The following OGDHL variants were observed in gnomAD, a reference collection of about 807,000 sequenced individuals.
The protein encoded by OGDHL is 2-oxoglutarate dehydrogenase-like, mitochondrial.
Under a neutral mutation model 109.6 loss-of-function variants are expected in OGDHL, and 79 were observed. That is an observed-to-expected ratio of 0.72 (90% CI 0.60 to 0.87). OGDHL has a LOEUF of 0.87. OGDHL is among the 40% of genes least tolerant of loss of function. The pLI is 0.00. For synonymous variants in OGDHL, 528 were observed against 537.2 expected (o/e 0.98, Z 0.24); for missense variants, 1,275 against 1,362.2 (o/e 0.94, Z 1.01).
chr10:49,758,357 G>A (rs1205469513), intron 2 of OGDHL, 32 bp downstream of exon 2: 3 of 1,580,604 alleles, frequency 1.9e-6, no homozygotes, highest in South Asian at 2.3e-5. Flanking sequence ...TCCCTCCCTT[G>A]CGGTGGCCCA....
At chr10:49,740,352 T>C (rs1841554743) in intron 16 of OGDHL, among the ~76,000 whole-genome samples, 2 of 151,986 alleles carry the variant, frequency 1.3e-5, no homozygotes, top group Non-Finnish European at 2.9e-5. Context: ...GGAGGCAAGA[T>C]GGGGCTCAAA....
chr10:49,756,936 C>T lies in OGDHL; in HGVS notation c.215G>A (p.Ser72Asn). 6.2e-7 allele frequency: 1 copy of T among 1,613,334 alleles called. No individual in the cohort carries two copies. The highest frequency in any genetic ancestry group is 8.5e-7 in the Non-Finnish European group (1 of 1,179,704). ...TTCCTCGCTGGCTTCCCTGAAGAAG[C>T]TGTCCCAGGACTAGGCAGGGCAGAA... ...NPQSVHKSWDSFFREASEEAF... is the reference protein window; with the variant it reads ...NPQSVHKSWDNFFREASEEAF... The change falls in exon 3 of 23, where the codon AGC becomes AAC. Residue 72 changes from serine to asparagine, a missense_variant. Physicochemically the swap from Ser to Asn is conservative, Grantham distance 46 (BLOSUM62 1). Coordinates refer to ENST00000374103, the MANE Select transcript of OGDHL (RefSeq NM_018245.3).
rs763805050 is a variant in OGDHL at position 49,751,889 on chromosome 10, A to G, written c.687T>C (p.Gly229=). 9.9e-6 allele frequency: 16 copies of G among 1,614,016 alleles called. No individual in the cohort carries two copies. The highest frequency in any genetic ancestry group is 3.3e-5 in the Admixed American group (2 of 60,002). Residue 229 remains glycine, a synonymous_variant, in exon 6 of 23, where the codon GGT becomes GGC. Transcript: ENST00000374103. ...TCTCCTCGCTGGAGAACTGCATCAC[A>G]CCAGGGGTCTCAAACTTCTGCCGGA... The part of the protein sequence containing the change: ...QWIRQKFETP[G]VMQFSSEEKR...
Position 49,735,229 on chromosome 10 carries a change from T to A in OGDHL, c.3032A>T (p.Ter1011LeuextTer7). 23 of 1,613,306 alleles carry A rather than the reference T, an allele frequency of 1.4e-5. No homozygotes were observed. Among genetic ancestry groups the A allele is most frequent in the Non-Finnish European group, 1.9e-5 (22 of 1,179,542 alleles). Residue 1011 changes from the stop codon to leucine, a stop_lost, in exon 23 of 23, where the codon TAG (stop) becomes TTG (leucine). Transcript: ENST00000374103. ...GACCTACACAGGTTTTGCCCAGCTC[T>A]AAAATGTCTTGCCCTCAAAGGCCTG... The part of the protein sequence containing the change: ...NLQAFEGKTF[*>L]
chr10:49,744,154 G>A (rs1208629210), intron 13 of OGDHL, 32 bp from the exon 14 acceptor site: 1 of 1,609,736 alleles, frequency 6.2e-7, no homozygotes, highest in Non-Finnish European at 8.5e-7. Flanking sequence ...TCCACACTGT[G>A]TCAGTGGTGG....
intron 1 of OGDHL, chr10:49,758,815 G>T: frequency 1.7e-6 from 1 of 594,922 alleles, no homozygotes; most frequent in Non-Finnish European, 3.0e-6. Context: ...ATATCAAACA[G>T]CCCTGAGCCC....
At position 49,736,473 on chromosome 10, in the gene OGDHL, C is replaced by A. The variant is rs577930836; in HGVS notation, c.2638G>T (p.Ala880Ser). 1 of 1,613,854 alleles carries A rather than the reference C, an allele frequency of 6.2e-7. No homozygotes were observed. Among genetic ancestry groups the A allele is most frequent in the African/African-American group, 1.3e-5 (1 of 75,046 alleles). Residue 880 changes from alanine (A) to serine (S), a missense_variant, in exon 21 of 23, where the codon GCC becomes TCC. Physicochemically the swap from Ala to Ser is moderately conservative, Grantham distance 99. Coordinates refer to ENST00000374103, the MANE Select transcript of OGDHL (RefSeq NM_018245.3). Reference sequence around the variant, plus strand: ...ATGAGCCGCTGCACCTGCTCAGGGGCCCGTGCTGCGGCCCCATCTTCAGGA... The same window carrying A: ...ATGAGCCGCTGCACCTGCTCAGGGGACCGTGCTGCGGCCCCATCTTCAGGA... ...VIPEDGAAAR[A>S]PEQVQRLIFC... is the part of the protein sequence containing the mutation.
intron 2 of OGDHL, 59 bp downstream of exon 2, chr10:49,758,330 C>T (rs1274821876): frequency 4.6e-6 from 7 of 1,530,728 alleles, no homozygotes; most frequent in Non-Finnish European, 6.2e-6. Flanking sequence ...CCTGCCACAG[C>T]CCGGCCCCCG....
intron 6 of OGDHL, among the ~76,000 whole-genome samples, 187 bp downstream of exon 6, chr10:49,751,640 C>T (rs1842596403): frequency 6.6e-6 from 1 of 152,244 alleles, no homozygotes; most frequent in African/African-American, 2.4e-5. Context: ...CCTGCTCTGC[C>T]TTGGGCCAGC....
At position 49,736,242 on chromosome 10, in the gene OGDHL, C is replaced by G. The variant is rs1404915801; in HGVS notation, c.2755-65G>C. 1.7e-5 allele frequency: 26 copies of G among 1,571,662 alleles called. No homozygotes were observed. In the East Asian group the frequency reaches 5.2e-4, roughly 31 times the overall value. On this transcript the variant is annotated intron_variant, in intron 21 of 22. Coordinates refer to ENST00000374103, the MANE Select transcript of OGDHL (RefSeq NM_018245.3). Reference sequence around the variant, plus strand: ...GCGGTATGTCCCCAGCACCCCCGGACAGGAGGCACAGGGCCTCACCGGCCT... The same window carrying G: ...GCGGTATGTCCCCAGCACCCCCGGAGAGGAGGCACAGGGCCTCACCGGCCT...
chr10:49,742,817 A>G lies in OGDHL; in HGVS notation c.2012+11T>C. 1 of 1,610,304 alleles carries G rather than the reference A, an allele frequency of 6.2e-7. No homozygotes were observed. Among genetic ancestry groups the G allele is most frequent in the Non-Finnish European group, 8.5e-7 (1 of 1,179,014 alleles). ...GTCTCCTGTGCGGATGCTGAGCCCC[A>G]CTGCGCTCACCTGAATGTGCCCCTC... On this transcript the variant is annotated intron_variant, in intron 15 of 22. Coordinates refer to ENST00000374103, the MANE Select transcript of OGDHL (RefSeq NM_018245.3).
At position 49,750,786 on chromosome 10, in the gene OGDHL, T is replaced by C. The variant is rs972595991; in HGVS notation, c.896+53A>G. On this transcript the variant is annotated intron_variant, in intron 7 of 22. Transcript: ENST00000374103. ...ATTTCCATCTCATCTCTCCCACCTC[T>C]GTCCCCTGGGCTGGAGGAGAATGCG... 32 of 1,540,092 alleles carry C rather than the reference T, an allele frequency of 2.1e-5. No individual in the cohort carries two copies. In the Middle Eastern group the frequency reaches 6.1e-4, roughly 29 times the overall value.
intron 7 of OGDHL, 119 bp from the exon 8 acceptor site, chr10:49,749,935 AG>A: frequency 1.3e-6 from 1 of 784,616 alleles, no homozygotes; most frequent in Non-Finnish European, 2.1e-6. Context: ...AGCCCTCCTC[AG>A]GCCACCCAAT....
intron 10 of OGDHL, 111 bp from the exon 11 acceptor site, chr10:49,746,088 A>G: frequency 8.0e-7 from 1 of 1,245,644 alleles, no homozygotes; most frequent in African/African-American, 1.5e-5. Context: ...TGAGGTGCCC[A>G]GGAGGAATGT....
chr10:49,736,125 C>G lies in OGDHL; in HGVS notation c.2807G>C (p.Gly936Ala). ...CTCCTGACACCAGGCCAGCTCCGCACCTGGGTACTTCTCTGCCTCCTGCTT... is the reference window on the plus strand; with the variant it reads ...CTCCTGACACCAGGCCAGCTCCGCAGCTGGGTACTTCTCTGCCTCCTGCTT... ...LIKQEAEKYPGAELAWCQEEH... is the reference protein window; with the variant it reads ...LIKQEAEKYPAAELAWCQEEH... The change falls in exon 22 of 23, where the codon GGT (glycine) becomes GCT (alanine). Residue 936 changes from glycine to alanine, a missense_variant. By Grantham distance (60) the Gly-to-Ala change is moderately conservative (BLOSUM62 0). Coordinates refer to ENST00000374103, the MANE Select transcript of OGDHL (RefSeq NM_018245.3). The G allele has an allele frequency of 6.2e-7, 1 of 1,611,590 alleles. No individual in the cohort carries two copies. Among genetic ancestry groups the G allele is most frequent in the South Asian group, 1.1e-5 (1 of 90,644 alleles).
Position 49,749,786 on chromosome 10 carries a change from G to T in OGDHL, c.927C>A (p.Ile309=). Residue 309 remains isoleucine (I), a synonymous_variant, in exon 8 of 23, where the codon ATC becomes ATA. Transcript: ENST00000374103. ...AGAAGATCTGCTCCAGGTCCTTGCG[G>T]ATCACGTTGGCCAGCACGTTCAGCC... The part of the protein sequence containing the change: ...RGRLNVLANV[I]RKDLEQIFCQ... The T allele has an allele frequency of 6.2e-7, 1 of 1,600,870 alleles. No homozygotes were observed.
intron 1 of OGDHL, among the ~76,000 whole-genome samples, chr10:49,759,850 C>T (rs963326753): frequency 6.6e-6 from 1 of 152,226 alleles, no homozygotes; most frequent in Non-Finnish European, 1.5e-5. Flanking sequence ...CCCTGGACAG[C>T]TCAGGCCCCA....
At chr10:49,749,355 G>A (rs1320484421) in intron 8 of OGDHL, among the ~76,000 whole-genome samples, 1 of 152,134 alleles carries the variant, frequency 6.6e-6, no homozygotes, top group Non-Finnish European at 1.5e-5. Flanking sequence ...GGCTCTGCTG[G>A]GCAAACAAAT....
chr10:49,751,923 C>T lies in OGDHL; in HGVS notation c.653G>A (p.Cys218Tyr). 1 of 1,614,186 alleles carries T rather than the reference C, an allele frequency of 6.2e-7. No homozygotes were observed. Among genetic ancestry groups the T allele is most frequent in the African/African-American group, 1.3e-5 (1 of 75,062 alleles). Reference protein sequence around the residue: ...EFMFINDVEQCQWIRQKFETP... With the variant: ...EFMFINDVEQYQWIRQKFETP... ...CTCAAACTTCTGCCGGATCCACTGG[C>T]ACTGCTCCACATCGTTGATGAACAT... Residue 218 changes from cysteine to tyrosine, a missense_variant, in exon 6 of 23, where the codon TGC (cysteine) becomes TAC (tyrosine). Physicochemically the swap from Cys to Tyr is radical, Grantham distance 194 (BLOSUM62 -2). Transcript: ENST00000374103.
Sources: gnomAD v4.1 joint callset for allele counts (sites outside exome capture counted in the v4.1 genomes callset) on GRCh38, gnomAD v4.1.1 for gene constraint, MANE v1.5 for transcripts, NCBI Gene and HGNC (gene_info 2026-07-23, HGNC 2026-07-21) for gene names.